Variants in ADGRB3 observed in about 807,000 individuals in gnomAD.
ADGRB3 encodes brain-specific angiogenesis inhibitor 3.
Under a neutral mutation model 193.4 loss-of-function variants are expected in ADGRB3, and 37 were observed. The observed-to-expected ratio is 0.19, with a 90% CI of 0.15 to 0.25. ADGRB3 has a LOEUF of 0.25. Ranked by LOEUF, ADGRB3 falls within the 10% of genes least tolerant of loss-of-function variation. The pLI, the probability that ADGRB3 is intolerant of heterozygous loss-of-function variation, is 1.00. For missense variants in ADGRB3, 1,637 were observed against 1,852.9 expected (o/e 0.88, Z 2.14); for synonymous variants, 690 against 644.2 (o/e 1.07, Z -1.08).
intron 3 of ADGRB3, among the ~76,000 whole-genome samples, chr6:68,728,540 C>A (rs988614413): frequency 6.6e-5 from 10 of 151,448 alleles, no homozygotes; most frequent in African/African-American, 2.4e-4. Flanking sequence ...ATTTTTCTGG[C>A]ACTGTTTTCT....
chr6:69,380,263 A>G lies in ADGRB3; in HGVS notation c.4276-2568A>G, dbSNP rs187142449. ...CTAATGAAATAACTGTTGGAAGGGG[A>G]TGGAATAATTCACCTCTTGGCCAGA... On this transcript the variant is annotated intron_variant, in intron 30 of 31. Coordinates refer to ENST00000370598, the MANE Select transcript of ADGRB3 (RefSeq NM_001704.3). Among the ~76,000 whole-genome samples, 438 of 152,116 alleles carry G rather than the reference A, an allele frequency of 2.9e-3. 5 individuals are homozygous for G. The highest frequency in any genetic ancestry group is 0.01 in the African/African-American group (418 of 41,552).
chr6:68,792,595 T>C (rs988145063), intron 3 of ADGRB3, among the ~76,000 whole-genome samples: 1 of 152,150 alleles, frequency 6.6e-6, no homozygotes, highest in African/African-American at 2.4e-5. Flanking sequence ...TTCAGGAACA[T>C]ATTTCCTCCT....
intron 30 of ADGRB3, 75 bp downstream of exon 30, chr6:69,372,516 T>TA (rs1769728397): frequency 1.4e-6 from 1 of 732,888 alleles, no homozygotes; most frequent in African/African-American, 1.8e-5. Flanking sequence ...TAAAAATTAT[T>TA]ACTCTATGCA....
At chr6:68,650,701 C>T (rs970956591) in intron 3 of ADGRB3, among the ~76,000 whole-genome samples, 3 of 152,008 alleles carry the variant, frequency 2.0e-5, no homozygotes, top group Non-Finnish European at 2.9e-5. Flanking sequence ...GTATCTTCTT[C>T]GTTTTATTCC....
At chr6:69,050,163 C>A (rs1356939542) in intron 15 of ADGRB3, among the ~76,000 whole-genome samples, 1 of 152,020 alleles carries the variant, frequency 6.6e-6, no homozygotes. Flanking sequence ...ATGATGTGTG[C>A]AGTTATACTG....
chr6:69,076,471 C>A (rs1772236155), intron 17 of ADGRB3, among the ~76,000 whole-genome samples: 1 of 151,920 alleles, frequency 6.6e-6, no homozygotes, highest in African/African-American at 2.4e-5. Context: ...TTTATATGGT[C>A]CCTCCAAATT....
intron 12 of ADGRB3, among the ~76,000 whole-genome samples, chr6:69,015,102 G>A (rs1410917326): frequency 6.6e-6 from 1 of 151,824 alleles, no homozygotes; most frequent in African/African-American, 2.4e-5. Flanking sequence ...TTCTTCTAGA[G>A]GACAGCCTCA....
intron 3 of ADGRB3, among the ~76,000 whole-genome samples, chr6:68,802,183 C>CGTGCGT (rs561887284): frequency 3.5e-5 from 5 of 142,734 alleles, no homozygotes; most frequent in South Asian, 2.3e-4. Flanking sequence ...TGCACATATG[C>CGTGCGT]GTGTGTGTGT....
rs116375247 is a variant in ADGRB3, at chr6:69,270,329, T to C, written c.2814+31103T>C. Among the ~76,000 whole-genome samples, 14 of 152,276 alleles carry C rather than the reference T, an allele frequency of 9.2e-5. 1 individual carries two copies. The highest frequency in any genetic ancestry group is 3.4e-4 in the African/African-American group (14 of 41,566). ...CACAGAGAGAAACACTGGGATTTGG[T>C]GTACTTCCTCTGCTCTTTTAAACAT... On this transcript the variant is annotated intron_variant, in intron 20 of 31. Coordinates refer to ENST00000370598, the MANE Select transcript of ADGRB3 (RefSeq NM_001704.3).
intron 13 of ADGRB3, among the ~76,000 whole-genome samples, chr6:69,023,589 T>C (rs1007505494): frequency 3.3e-5 from 5 of 152,094 alleles, no homozygotes; most frequent in East Asian, 3.9e-4. Flanking sequence ...TAAAATCAAA[T>C]TGGAAAGGCA....
rs1767847311 is a variant in ADGRB3 at position 69,297,370 on chromosome 6, C to CTCTCTCTCTCTCTT, written c.2815-27489_2815-27488insTTCTCTCTCTCTCT. On this transcript the variant is annotated intron_variant, in intron 20 of 31. Transcript: ENST00000370598. Reference sequence around the variant, plus strand: ...TCTCTCTCTCTCTCTCTCTCTCTTTCTCTCTCTCTCTCTCTCTCTCTATCT... The same window carrying CTCTCTCTCTCTCTT: ...TCTCTCTCTCTCTCTCTCTCTCTTTCTCTCTCTCTCTCTTTCTCTCTCTCTCTCTCTCTCTATCT... Among the ~76,000 whole-genome samples the CTCTCTCTCTCTCTT allele has an allele frequency of 3.2e-3, 333 of 103,716 alleles. 1 individual carries two copies. Among genetic ancestry groups the CTCTCTCTCTCTCTT allele is most frequent in the Middle Eastern group, 0.011 (2 of 190 alleles). The allele number at this position is 103,716 out of a possible 152,430, so 68.0% of individuals were successfully genotyped here.
rs78839388 is a variant in ADGRB3, at chr6:68,776,225, C to A, written c.757+136793C>A. Among the ~76,000 whole-genome samples the A allele has an allele frequency of 3.9e-5, 6 of 152,226 alleles. No individual in the cohort carries two copies. In the East Asian group the frequency reaches 1.2e-3, roughly 29 times the overall value. On this transcript the variant is annotated intron_variant, in intron 3 of 31. Transcript: ENST00000370598. ...TAATGAGGTAAGGGACTGAGAATTG[C>A]CACTTTATTTCTGGTCAGAGACTCT...
chr6:68,741,841 T>C (rs1765988974), intron 3 of ADGRB3, among the ~76,000 whole-genome samples: 1 of 152,230 alleles, frequency 6.6e-6, no homozygotes, highest in South Asian at 2.1e-4. Context: ...TCTTTAAAAA[T>C]TCTTTTCAGC....
intron 3 of ADGRB3, among the ~76,000 whole-genome samples, chr6:68,816,837 T>C (rs971917593): frequency 6.6e-6 from 1 of 152,134 alleles, no homozygotes; most frequent in African/African-American, 2.4e-5. Context: ...TTAAAATTCC[T>C]TTTAATGGAT....
chr6:69,374,789 TA>T (rs1366950502), intron 30 of ADGRB3, among the ~76,000 whole-genome samples: 2 of 152,208 alleles, frequency 1.3e-5, no homozygotes, highest in Middle Eastern at 3.4e-3. Context: ...GTAATTTTTT[TA>T]AAAGAATGGT....
At chr6:68,975,404 A>G (rs1768714304) in intron 10 of ADGRB3, 64 bp downstream of exon 10, 2 of 1,234,534 alleles carry the variant, frequency 1.6e-6, no homozygotes, top group African/African-American at 1.5e-5. Flanking sequence ...ACTGTGTGAG[A>G]ATTTAACCTT....
intron 3 of ADGRB3, among the ~76,000 whole-genome samples, chr6:68,848,984 G>A (rs921834118): frequency 6.6e-6 from 1 of 151,854 alleles, no homozygotes; most frequent in Non-Finnish European, 1.5e-5. Context: ...GAAATTGGAA[G>A]GAATAAAGGA....
intron 17 of ADGRB3, among the ~76,000 whole-genome samples, chr6:69,181,450 G>T (rs962434830): frequency 4.0e-5 from 6 of 151,760 alleles, no homozygotes; most frequent in Non-Finnish European, 8.8e-5. Context: ...ACCTATAAAT[G>T]CACGATATAT....
intron 3 of ADGRB3, among the ~76,000 whole-genome samples, chr6:68,707,444 G>A (rs771436972): frequency 6.6e-6 from 1 of 152,010 alleles, no homozygotes; most frequent in Non-Finnish European, 1.5e-5. Context: ...ATTTGGAAGG[G>A]AAAATATTCC....
Sources: gnomAD v4.1 joint callset for allele counts (sites outside exome capture counted in the v4.1 genomes callset) on GRCh38, gnomAD v4.1.1 for gene constraint, MANE v1.5 for transcripts, NCBI Gene and HGNC (gene_info 2026-07-23, HGNC 2026-07-21) for gene names.